Variants in GRIA4 observed in about 807,000 individuals in gnomAD.
GRIA4 encodes the protein glutamate ionotropic receptor AMPA type subunit 4.
GRIA4 carries 34 observed loss-of-function variants against 104.0 expected under a neutral mutation model. The observed-to-expected ratio is 0.33, with a 90% CI of 0.25 to 0.44. The LOEUF (loss-of-function observed/expected upper bound fraction) is 0.44, where lower values mean the gene tolerates loss of function less well. GRIA4 is among the 20% of genes least tolerant of loss of function. The probability of loss-of-function intolerance (pLI) is 1.00; values close to 1 mark genes in which losing one functional copy is unlikely to be tolerated. For missense variants in GRIA4, 750 were observed against 1,096.5 expected, an observed-to-expected ratio of 0.68 and a Z score of 4.46; for synonymous variants, 386 against 381.9, an observed-to-expected ratio of 1.01 and a Z score of -0.13.
intron 4 of GRIA4, among the ~76,000 whole-genome samples, chr11:105,840,196 A>C (rs1208549250): frequency 1.3e-5 from 2 of 152,224 alleles, no homozygotes; most frequent in Admixed American, 6.5e-5. Flanking sequence ...GTTAAAATCC[A>C]TGAGGACTTT....
chr11:105,936,109 C>T (rs532707403), intron 14 of GRIA4, among the ~76,000 whole-genome samples: 1 of 152,122 alleles, frequency 6.6e-6, no homozygotes, highest in Non-Finnish European at 1.5e-5. Context: ...CCAGCATGCA[C>T]CTCACCCCAC....
intron 12 of GRIA4, 96 bp downstream of exon 12, chr11:105,924,865 G>A (rs1947662030): frequency 1.0e-6 from 1 of 974,110 alleles, no homozygotes; most frequent in Non-Finnish European, 1.5e-6. Context: ...TGAAGACAGA[G>A]GACTATTTGA....
intron 14 of GRIA4, among the ~76,000 whole-genome samples, chr11:105,966,351 T>C (rs1858367538): frequency 6.6e-6 from 1 of 152,200 alleles, no homozygotes; most frequent in Admixed American, 6.5e-5. Flanking sequence ...TAGGAAGGGA[T>C]GTTAAGTTTC....
In GRIA4 at chr11:105,654,219, A is replaced by T. The variant is rs149646048; in HGVS notation, c.247+41785A>T. ...GTGGGGCAGTGGTGGTGGGGCTGGA[A>T]AGATGTTGGTTAAAGGCTACAGGAT... On this transcript the variant is annotated intron_variant, in intron 3 of 16. Coordinates refer to ENST00000282499, the MANE Select transcript of GRIA4 (RefSeq NM_000829.4). Among the ~76,000 whole-genome samples the T allele has an allele frequency of 4.5e-3, 686 of 151,814 alleles. 13 individuals carry two copies. Among genetic ancestry groups the T allele is most frequent in the African/African-American group, 0.015 (641 of 41,460 alleles).
chr11:105,773,667 A>T (rs1040168334), intron 4 of GRIA4, among the ~76,000 whole-genome samples: 11 of 152,224 alleles, frequency 7.2e-5, no homozygotes, highest in Admixed American at 5.9e-4. Flanking sequence ...GGAGGTAGGG[A>T]CACCAGCTGC....
At chr11:105,860,114 A>G (rs1945164351) in intron 4 of GRIA4, among the ~76,000 whole-genome samples, 1 of 152,166 alleles carries the variant, frequency 6.6e-6, no homozygotes, top group Non-Finnish European at 1.5e-5. Context: ...ATTATATAGT[A>G]ATTAACATGC....
chr11:105,745,513 T>A (rs1395075953), intron 3 of GRIA4, among the ~76,000 whole-genome samples: 1 of 152,178 alleles, frequency 6.6e-6, no homozygotes, highest in African/African-American at 2.4e-5. Flanking sequence ...CTACACCGAC[T>A]AATCCAGAAG....
chr11:105,711,662 A>G (rs922988319), intron 3 of GRIA4, among the ~76,000 whole-genome samples: 3 of 152,146 alleles, frequency 2.0e-5, no homozygotes, highest in African/African-American at 4.8e-5. Flanking sequence ...AAATTACATG[A>G]ATGGTGACAT....
At chr11:105,957,282 T>G (rs1017230187) in intron 14 of GRIA4, among the ~76,000 whole-genome samples, 1 of 152,230 alleles carries the variant, frequency 6.6e-6, no homozygotes, top group Non-Finnish European at 1.5e-5. Flanking sequence ...TGAATTAATT[T>G]TTGTATAAGG....
rs2136144442 is a variant in GRIA4 at position 105,903,859 on chromosome 11, A to C, written c.931A>C (p.Thr311Pro). The C allele has an allele frequency of 6.2e-7, 1 of 1,612,498 alleles. No individual in the cohort carries two copies. The highest frequency in any genetic ancestry group is 1.1e-5 in the South Asian group (1 of 91,038). ...TGATGGAGTCCTTGTGATGGCTGAA[A>C]CTTTCCGAAGTCTTAGGAGGCAGAA... ...TYDGVLVMAE[T>P]FRSLRRQKID... The change falls in exon 8 of 17, where the codon ACT (threonine) becomes CCT (proline). Residue 311 changes from threonine (T) to proline (P), a missense_variant. Physicochemically the swap from Thr to Pro is conservative, Grantham distance 38. Coordinates refer to ENST00000282499, the MANE Select transcript of GRIA4 (RefSeq NM_000829.4).
chr11:105,661,007 A>C (rs1951991869), intron 3 of GRIA4, among the ~76,000 whole-genome samples: 1 of 151,638 alleles, frequency 6.6e-6, no homozygotes, highest in Admixed American at 6.6e-5. Flanking sequence ...ATAGAAGAAA[A>C]AATTCAAATT....
intron 4 of GRIA4, among the ~76,000 whole-genome samples, chr11:105,849,421 C>T (rs1944718149): frequency 6.6e-6 from 1 of 152,116 alleles, no homozygotes; most frequent in African/African-American, 2.4e-5. Flanking sequence ...CCTAGTGTAA[C>T]CTCTGAGTGG....
chr11:105,692,031 G>A (rs1228388057), intron 3 of GRIA4, among the ~76,000 whole-genome samples: 1 of 149,710 alleles, frequency 6.7e-6, no homozygotes, highest in Non-Finnish European at 1.5e-5. Flanking sequence ...CACAAATTAA[G>A]TAATAAGTGA....
intron 14 of GRIA4, among the ~76,000 whole-genome samples, chr11:105,949,314 T>C (rs1378747013): frequency 1.3e-5 from 2 of 152,222 alleles, no homozygotes; most frequent in Non-Finnish European, 2.9e-5. Context: ...GTTGAAGGAT[T>C]CCCTTTCGTT....
At chr11:105,953,519 A>C (rs1201171961) in intron 14 of GRIA4, among the ~76,000 whole-genome samples, 1 of 152,216 alleles carries the variant, frequency 6.6e-6, no homozygotes, top group African/African-American at 2.4e-5. Flanking sequence ...AGCTATATTT[A>C]ATAACAGAAT....
At chr11:105,712,454 C>T (rs1953944694) in intron 3 of GRIA4, among the ~76,000 whole-genome samples, 1 of 151,778 alleles carries the variant, frequency 6.6e-6, no homozygotes, top group African/African-American at 2.4e-5. Flanking sequence ...CAGTCCTTTA[C>T]TAATTTTTTA....
intron 3 of GRIA4, among the ~76,000 whole-genome samples, chr11:105,664,465 C>T (rs780416413): frequency 6.6e-6 from 1 of 151,086 alleles, no homozygotes; most frequent in African/African-American, 2.4e-5. Context: ...TATCCCAAAT[C>T]GGGATATAAG....
At chr11:105,629,096 T>G in intron 3 of GRIA4, among the ~76,000 whole-genome samples, 1 of 82,412 alleles carries the variant, frequency 1.2e-5, no homozygotes, top group African/African-American at 3.9e-5. Context: ...AAAAAAAAAA[T>G]TAGCGTGGCT....
intron 16 of GRIA4, chr11:105,974,757 C>G: frequency 2.0e-6 from 1 of 510,810 alleles, no homozygotes; most frequent in South Asian, 2.4e-5. Context: ...ATCTGCATTG[C>G]AAGGGTCAGA....
Sources: allele counts gnomAD v4.1 joint callset (sites outside exome capture counted in the v4.1 genomes callset), GRCh38; gene constraint gnomAD v4.1.1; transcripts MANE v1.5; gene names NCBI Gene and HGNC (gene_info 2026-07-23, HGNC 2026-07-21).